PARD3B: variants seen among roughly 807,000 people sequenced by gnomAD.
The protein encoded by PARD3B is par-3 family cell polarity regulator beta.
PARD3B carries 103 observed loss-of-function variants against 130.2 expected under a neutral mutation model. That is an observed-to-expected ratio of 0.79 (90% CI 0.67 to 0.93). The LOEUF is 0.93. Among genes scored for constraint, PARD3B ranks in the 40% least tolerant of loss-of-function variants. The pLI is 0.00. For missense variants in PARD3B, 1,609 were observed against 1,499.2 expected, an observed-to-expected ratio of 1.07 and a Z score of -1.21; for synonymous variants, 583 against 553.2, an observed-to-expected ratio of 1.05 and a Z score of -0.76.
At chr2:205,083,857 G>A (rs1701585504) in intron 4 of PARD3B, among the ~76,000 whole-genome samples, 1 of 151,532 alleles carries the variant, frequency 6.6e-6, no homozygotes, top group South Asian at 2.1e-4. Context: ...CCATCAGCTA[G>A]TTTCCATAAT....
At chr2:205,543,605 C>T (rs1251982741) in intron 21 of PARD3B, among the ~76,000 whole-genome samples, 1 of 152,172 alleles carries the variant, frequency 6.6e-6, no homozygotes, top group Non-Finnish European at 1.5e-5. Context: ...TGGGGTCAGA[C>T]ACATCTCAGT....
intron 2 of PARD3B, among the ~76,000 whole-genome samples, chr2:204,839,647 T>G (rs1267782220): frequency 6.6e-6 from 1 of 152,128 alleles, no homozygotes; most frequent in East Asian, 1.9e-4. Flanking sequence ...TCCCTCCTTT[T>G]CTCTTGTGCC....
intron 13 of PARD3B, among the ~76,000 whole-genome samples, chr2:205,181,416 A>G (rs2035780745): frequency 6.6e-6 from 1 of 152,214 alleles, no homozygotes; most frequent in South Asian, 2.1e-4. Context: ...ATGCAGTAGT[A>G]TTATTGTCCT....
chr2:204,933,086 T>G (rs1010498223), intron 2 of PARD3B, among the ~76,000 whole-genome samples: 1 of 152,190 alleles, frequency 6.6e-6, no homozygotes, highest in African/African-American at 2.4e-5. Flanking sequence ...AAGAACTGAT[T>G]GCTCTAAGGT....
chr2:204,596,843 G>A (rs754805757), intron 1 of PARD3B, among the ~76,000 whole-genome samples: 103 of 151,980 alleles, frequency 6.8e-4, no homozygotes, highest in African/African-American at 2.1e-3. Context: ...GCTTGAACCC[G>A]GGAGGCAGAG....
At chr2:205,464,231 A>G (rs2048547310) in intron 20 of PARD3B, among the ~76,000 whole-genome samples, 1 of 152,296 alleles carries the variant, frequency 6.6e-6, no homozygotes, top group Non-Finnish European at 1.5e-5. Context: ...AGGAGGTACC[A>G]TACTGTAAAA....
intron 22 of PARD3B, among the ~76,000 whole-genome samples, chr2:205,570,168 C>T (rs2053510404): frequency 6.6e-6 from 1 of 152,122 alleles, no homozygotes; most frequent in Non-Finnish European, 1.5e-5. Context: ...TCTAAATTGA[C>T]AGTGATTAGT....
chr2:204,762,116 A>ATTTTTTTTTT (rs968166780), intron 2 of PARD3B, among the ~76,000 whole-genome samples: 4 of 95,376 alleles, frequency 4.2e-5, no homozygotes, highest in Non-Finnish European at 6.2e-5. Context: ...TTCTTTTTCT[A>ATTTTTTTTTT]TTTTTTTTTT....
chr2:204,670,142 A>G (rs1471884829), intron 1 of PARD3B, among the ~76,000 whole-genome samples: 1 of 152,188 alleles, frequency 6.6e-6, no homozygotes, highest in East Asian at 1.9e-4. Context: ...TGTACCATTT[A>G]ATTTTTTAAA....
chr2:205,354,112 C>T (rs1240646899), intron 18 of PARD3B, among the ~76,000 whole-genome samples: 2 of 143,282 alleles, frequency 1.4e-5, no homozygotes, highest in African/African-American at 2.6e-5. Context: ...GAACGTGGCT[C>T]ACTGCAGCCT....
rs1261045026 is a variant in PARD3B, at chr2:205,125,651, G to A, written c.1348G>A (p.Val450Met). 1 of 1,613,974 alleles carries A rather than the reference G, an allele frequency of 6.2e-7. No homozygotes were observed. The highest frequency in any genetic ancestry group is 8.5e-7 in the Non-Finnish European group (1 of 1,179,996). Residue 450 changes from valine (V) to methionine (M), a missense_variant, in exon 10 of 23, where the codon GTG becomes ATG. Transcript: ENST00000406610. This position sits in a 1 kb window ranked among gnomAD's most constrained non-coding sequence, Gnocchi z 4.0. ...DVTGRTQEELVAMLRSTKQGE... is the reference protein window; with the variant it reads ...DVTGRTQEELMAMLRSTKQGE... ...CACCGGACGAACCCAGGAAGAGCTT[G>A]TGGCCATGCTCAGGAGCACCAAGCA...
chr2:205,024,162 C>CTTTTTTTTTTTTT (rs1172893472), intron 3 of PARD3B, among the ~76,000 whole-genome samples: 6 of 98,740 alleles, frequency 6.1e-5, no homozygotes, highest in Non-Finnish European at 9.8e-5. Flanking sequence ...TTCTTTCTTT[C>CTTTTTTTTTTTTT]TTTTTTTTTT....
chr2:205,496,607 A>C lies in PARD3B; in HGVS notation c.3045-3289A>C, dbSNP rs2049935420. 2.0e-5 allele frequency among the ~76,000 whole-genome samples: 3 copies of C among 152,292 alleles called. No homozygotes were observed. In the South Asian group the frequency reaches 6.2e-4, roughly 32 times the overall value. ...AAATAGCCATGCTCCTGTCAGCCACAGGGGACTTTCTGAATCCTGAACAGC... is the reference window on the plus strand; with the variant it reads ...AAATAGCCATGCTCCTGTCAGCCACCGGGGACTTTCTGAATCCTGAACAGC... On this transcript the variant is annotated intron_variant, in intron 20 of 22. Transcript: ENST00000406610.
intron 5 of PARD3B, among the ~76,000 whole-genome samples, chr2:205,112,353 A>C (rs1411309029): frequency 1.3e-5 from 2 of 152,118 alleles, no homozygotes; most frequent in Non-Finnish European, 2.9e-5. Flanking sequence ...TAATGTATTT[A>C]TTTTAGATTG....
At chr2:204,788,904 A>G (rs1355621972) in intron 2 of PARD3B, among the ~76,000 whole-genome samples, 1 of 152,218 alleles carries the variant, frequency 6.6e-6, no homozygotes, top group African/African-American at 2.4e-5. Context: ...AATGTGATGT[A>G]GAGCATTTCC....
chr2:204,841,661 C>T (rs1421033179), intron 2 of PARD3B, among the ~76,000 whole-genome samples: 1 of 152,034 alleles, frequency 6.6e-6, no homozygotes, highest in African/African-American at 2.4e-5. Flanking sequence ...GCGATGAGGG[C>T]AAATTTTCTG....
chr2:204,961,316 GGT>G (rs1690724483), intron 2 of PARD3B, among the ~76,000 whole-genome samples: 1 of 152,096 alleles, frequency 6.6e-6, no homozygotes, highest in Admixed American at 6.6e-5. Flanking sequence ...GGTCCAAAGT[GGT>G]GACACTGGAG....
chr2:205,030,454 A>C (rs569901515), intron 3 of PARD3B, among the ~76,000 whole-genome samples: 2 of 152,274 alleles, frequency 1.3e-5, no homozygotes, highest in South Asian at 2.1e-4. Context: ...ATATCCAAAT[A>C]CAGCATTGTG....
chr2:204,582,510 C>A (rs144135428), intron 1 of PARD3B, among the ~76,000 whole-genome samples: 1 of 151,916 alleles, frequency 6.6e-6, no homozygotes, highest in African/African-American at 2.4e-5. Context: ...GGTTCCCCCC[C>A]CTCATTTCAC....
Sources: allele counts gnomAD v4.1 joint callset (sites outside exome capture counted in the v4.1 genomes callset), GRCh38; gene constraint gnomAD v4.1.1; non-coding constraint Gnocchi (gnomAD v3.1); transcripts MANE v1.5; gene names NCBI Gene and HGNC (gene_info 2026-07-23, HGNC 2026-07-21).